The following HMG20A variants were observed in gnomAD, a reference collection of about 807,000 sequenced individuals.
The protein encoded by HMG20A is high mobility group 20A.
HMG20A carries 17 observed loss-of-function variants against 43.9 expected under a neutral mutation model. The ratio of observed to expected loss-of-function variants is 0.39; its 90% CI spans 0.27 to 0.58. The LOEUF (loss-of-function observed/expected upper bound fraction) is 0.58. HMG20A is among the 20% of genes least tolerant of loss of function. The probability of loss-of-function intolerance (pLI) is 0.59; values close to 1 mark genes in which losing one functional copy is unlikely to be tolerated. For missense variants in HMG20A, 341 were observed against 438.2 expected (o/e 0.78, Z 1.98); for synonymous variants, 132 against 147.5 (o/e 0.89, Z 0.76).
rs1324497854 is a variant in HMG20A, at chr15:77,479,340, ATATT to A, written c.*6+23_*6+26del. 1.9e-6 allele frequency: 3 copies of A among 1,609,302 alleles called. No homozygotes were observed. Among genetic ancestry groups the A allele is most frequent in the Non-Finnish European group, 2.5e-6 (3 of 1,177,620 alleles). ...GGGAATGGTGAGTGCTCACTGATAA[ATATT>A]TATATGCCAGCACATCATCAAAAAT... On this transcript the variant is annotated intron_variant, in intron 9 of 9. Coordinates refer to ENST00000336216, the MANE Select transcript of HMG20A (RefSeq NM_001304504.2).
At chr15:77,505,557 C>A in the HMG20A span, among the ~76,000 whole-genome samples, 1 of 152,262 alleles carries the variant, frequency 6.6e-6, no homozygotes, top group Non-Finnish European at 1.5e-5. Flanking sequence ...CTGGCTTCTG[C>A]ATCCTCACCA....
intron 6 of HMG20A, 112 bp downstream of exon 6, chr15:77,471,926 G>A (rs1005332784): frequency 5.7e-5 from 34 of 597,288 alleles, no homozygotes; most frequent in Admixed American, 2.2e-4. Flanking sequence ...TTCCTATCTC[G>A]TAATTCAGAT....
the HMG20A span, among the ~76,000 whole-genome samples, chr15:77,507,258 G>GT: frequency 6.6e-6 from 1 of 152,124 alleles, no homozygotes; most frequent in Non-Finnish European, 1.5e-5. Flanking sequence ...TGTTGGTTCT[G>GT]TTTCCCTGGA....
At chr15:77,436,990 C>A (rs1236746431) in intron 1 of HMG20A, among the ~76,000 whole-genome samples, 1 of 152,128 alleles carries the variant, frequency 6.6e-6, no homozygotes, top group Non-Finnish European at 1.5e-5. Flanking sequence ...TTTCTCCAGC[C>A]ACAAGCCGCC....
the HMG20A span, among the ~76,000 whole-genome samples, chr15:77,516,961 G>T: frequency 6.6e-6 from 1 of 152,128 alleles, no homozygotes; most frequent in Non-Finnish European, 1.5e-5. Flanking sequence ...TGTCCCCATC[G>T]CCTCCCCGCA....
chr15:77,485,815 C>G (rs1015508526), downstream of HMG20A, among the ~76,000 whole-genome samples: 2 of 152,192 alleles, frequency 1.3e-5, no homozygotes, highest in African/African-American at 4.8e-5. Context: ...GCCTGTAGTC[C>G]CAGCTACTCA....
rs759630835 is a variant in HMG20A, at chr15:77,458,494, T to C, written c.87T>C (p.Thr29=). The C allele has an allele frequency of 1.9e-6, 3 of 1,607,228 alleles. No homozygotes were observed. The Admixed American group carries it at 5.0e-5, about 27-fold the overall frequency. Residue 29 remains threonine (T), a splice_region_variant and synonymous_variant, in exon 2 of 10, where the codon ACT becomes ACC. Transcript: ENST00000336216. ...AGGAGAGTAATGATCTGGCTACCACTGGGTAAGCAGCTGCTTTAGGACACT... is the reference window on the plus strand; with the variant it reads ...AGGAGAGTAATGATCTGGCTACCACCGGGTAAGCAGCTGCTTTAGGACACT... ...GSKESNDLAT[T]GLNHPEVPYS...
At chr15:77,511,742 A>G in the HMG20A span, among the ~76,000 whole-genome samples, 1 of 152,238 alleles carries the variant, frequency 6.6e-6, no homozygotes, top group African/African-American at 2.4e-5. Context: ...GATGGCTACT[A>G]TCAAAGAAAG....
chr15:77,479,243 T>C lies in HMG20A; in HGVS notation c.972T>C (p.Ile324=), dbSNP rs150450319. 100 of 1,613,902 alleles carry C rather than the reference T, an allele frequency of 6.2e-5. No individual in the cohort carries two copies. The highest frequency in any genetic ancestry group is 8.0e-5 in the Non-Finnish European group (94 of 1,179,886). ...ATATGAACAGACTGCACAGTATTATTTTAGCTAATCCCCAAGACAATGAAA... is the reference window on the plus strand; with the variant it reads ...ATATGAACAGACTGCACAGTATTATCTTAGCTAATCCCCAAGACAATGAAA... ...DSYMNRLHSI[I]LANPQDNENF... is the part of the protein sequence containing the mutation. Residue 324 remains isoleucine (I), a synonymous_variant, in exon 9 of 10, where the codon ATT becomes ATC. Coordinates refer to ENST00000336216, the MANE Select transcript of HMG20A (RefSeq NM_001304504.2).
At chr15:77,439,557 A>C (rs985297138) in intron 1 of HMG20A, among the ~76,000 whole-genome samples, 1 of 152,166 alleles carries the variant, frequency 6.6e-6, no homozygotes, top group Non-Finnish European at 1.5e-5. Context: ...TCCATGTTGC[A>C]TGTAGCAGTA....
chr15:77,445,117 A>G (rs1019121117), intron 1 of HMG20A, among the ~76,000 whole-genome samples: 1 of 152,134 alleles, frequency 6.6e-6, no homozygotes, highest in East Asian at 1.9e-4. Flanking sequence ...ATGTTCTTCA[A>G]TTTTCCTTCT....
chr15:77,468,234 C>A (rs1425217670), intron 4 of HMG20A, among the ~76,000 whole-genome samples: 1 of 152,064 alleles, frequency 6.6e-6, no homozygotes, highest in African/African-American at 2.4e-5. Flanking sequence ...CTATGCTATT[C>A]TTTTCTTTTT....
the HMG20A span, among the ~76,000 whole-genome samples, chr15:77,509,905 CAAA>C: frequency 7.8e-6 from 1 of 128,880 alleles, no homozygotes. Context: ...GACTCCGCCT[CAAA>C]AAAAAAAAAA....
At chr15:77,462,901 T>C (rs1023029947) in intron 2 of HMG20A, among the ~76,000 whole-genome samples, 1 of 151,820 alleles carries the variant, frequency 6.6e-6, no homozygotes, top group Non-Finnish European at 1.5e-5. Context: ...GCCTTCTGAG[T>C]AGCTAGGATT....
At chr15:77,439,228 T>A (rs887938942) in intron 1 of HMG20A, among the ~76,000 whole-genome samples, 8 of 152,244 alleles carry the variant, frequency 5.3e-5, no homozygotes, top group African/African-American at 1.9e-4. Flanking sequence ...GTGATCTTTG[T>A]GGGACCTTCT....
intron 1 of HMG20A, among the ~76,000 whole-genome samples, chr15:77,425,530 A>T (rs1235590964): frequency 6.6e-6 from 1 of 152,232 alleles, no homozygotes; most frequent in Non-Finnish European, 1.5e-5. Flanking sequence ...TCAGATAAGC[A>T]TATATTAAGC....
the HMG20A span, among the ~76,000 whole-genome samples, chr15:77,516,346 C>A: frequency 1.3e-5 from 2 of 152,070 alleles, no homozygotes; most frequent in Non-Finnish European, 2.9e-5. Context: ...GCAGTGACTC[C>A]CACCTGTAAG....
chr15:77,491,796 T>C, the HMG20A span, among the ~76,000 whole-genome samples: 50 of 152,318 alleles, frequency 3.3e-4, no homozygotes, highest in Non-Finnish European at 6.3e-4. Flanking sequence ...GAGATAGAAG[T>C]ACATTTTTGG....
chr15:77,473,045 C>T (rs1201638473), intron 6 of HMG20A, among the ~76,000 whole-genome samples: 1 of 152,170 alleles, frequency 6.6e-6, no homozygotes, highest in African/African-American at 2.4e-5. Flanking sequence ...CTGATGTACT[C>T]TTTTACATGT....
Sources: gnomAD v4.1 joint callset for allele counts (sites outside exome capture counted in the v4.1 genomes callset) on GRCh38, gnomAD v4.1.1 for gene constraint, MANE v1.5 for transcripts, NCBI Gene and HGNC (gene_info 2026-07-23, HGNC 2026-07-21) for gene names.